Variants in METTL15 observed in about 807,000 individuals in gnomAD.
The protein encoded by METTL15 is 12S rRNA N(4)-cytidine methyltransferase METTL15.
In METTL15, 34 loss-of-function variants were observed where a neutral mutation model predicts 38.3. That is an observed-to-expected ratio of 0.89 (90% CI 0.68 to 1.18). The LOEUF (loss-of-function observed/expected upper bound fraction) is 1.18. Ranked by LOEUF, METTL15 falls within the 50% of genes most tolerant of loss-of-function variation. The pLI, the probability that METTL15 is intolerant of heterozygous loss-of-function variation, is 0.00. For missense variants in METTL15, 438 were observed against 498.4 expected, an observed-to-expected ratio of 0.88 and a Z score of 1.15; for synonymous variants, 162 against 170.9, an observed-to-expected ratio of 0.95 and a Z score of 0.41.
chr11:28,507,197 T>A (rs1772875512), intron 6 of METTL15, among the ~76,000 whole-genome samples: 2 of 152,196 alleles, frequency 1.3e-5, no homozygotes, highest in South Asian at 4.1e-4. Flanking sequence ...CCTAATTGAT[T>A]CAAAGTCCTG....
At chr11:28,186,309 C>T (rs1203772057) in intron 3 of METTL15, among the ~76,000 whole-genome samples, 1 of 151,070 alleles carries the variant, frequency 6.6e-6, no homozygotes, top group Non-Finnish European at 1.5e-5. Context: ...TATAGCCAAC[C>T]TATATAATGG....
intron 3 of METTL15, among the ~76,000 whole-genome samples, chr11:28,130,709 T>A (rs1247908320): frequency 6.6e-6 from 1 of 152,212 alleles, no homozygotes; most frequent in Non-Finnish European, 1.5e-5. Context: ...TTATTCTGTT[T>A]ATAAGTACAA....
At chr11:28,274,677 C>T (rs1453631085) in intron 4 of METTL15, among the ~76,000 whole-genome samples, 1 of 151,992 alleles carries the variant, frequency 6.6e-6, no homozygotes, top group Non-Finnish European at 1.5e-5. Flanking sequence ...AATAGCACTG[C>T]TGACTTCCAT....
chr11:28,289,475 T>C (rs959691543), intron 4 of METTL15, among the ~76,000 whole-genome samples: 4 of 152,130 alleles, frequency 2.6e-5, no homozygotes, highest in Non-Finnish European at 5.9e-5. Context: ...CAATTTTCTC[T>C]TCTCATTCAC....
chr11:28,350,024 G>A (rs1270688021), intron 3 of METTL15, among the ~76,000 whole-genome samples: 1 of 152,206 alleles, frequency 6.6e-6, no homozygotes, highest in African/African-American at 2.4e-5. Context: ...AGTGGAGATA[G>A]CCACCTGTAT....
At chr11:28,161,107 C>CTTTTTTTTTTTTTTTTTTTT (rs10660185) in intron 3 of METTL15, among the ~76,000 whole-genome samples, 16 of 131,904 alleles carry the variant, frequency 1.2e-4, no homozygotes, top group Non-Finnish European at 1.9e-4. Context: ...TTGCACCTTC[C>CTTTTTTTTTTTTTTTTTTTT]TTTTTTTTTT....
At chr11:28,369,958 T>C (rs1421412344) in intron 5 of METTL15, among the ~76,000 whole-genome samples, 1 of 152,156 alleles carries the variant, frequency 6.6e-6, no homozygotes, top group Non-Finnish European at 1.5e-5. Context: ...ACTTAATGGG[T>C]ATACATATGT....
At chr11:28,176,747 C>T (rs530249962) in intron 3 of METTL15, among the ~76,000 whole-genome samples, 1 of 151,962 alleles carries the variant, frequency 6.6e-6, no homozygotes, top group South Asian at 2.1e-4. Flanking sequence ...AGCAGTTGAC[C>T]TTAGCTCTGT....
At chr11:28,187,847 A>T (rs1366738867) in intron 3 of METTL15, among the ~76,000 whole-genome samples, 1 of 151,190 alleles carries the variant, frequency 6.6e-6, no homozygotes, top group Non-Finnish European at 1.5e-5. Flanking sequence ...AAAAGAAAAT[A>T]CATTTTATTT....
intron 3 of METTL15, among the ~76,000 whole-genome samples, chr11:28,116,612 G>GAAC (rs1285546990): frequency 1.3e-5 from 2 of 152,118 alleles, no homozygotes; most frequent in Non-Finnish European, 2.9e-5. Flanking sequence ...TAAGCTATAT[G>GAAC]TATAAGGTGT....
chr11:28,248,137 A>G (rs955983223), intron 4 of METTL15, among the ~76,000 whole-genome samples: 6 of 151,926 alleles, frequency 3.9e-5, no homozygotes, highest in Non-Finnish European at 7.4e-5. Flanking sequence ...GAAATTCAAA[A>G]TCCTTTGTAA....
intron 5 of METTL15, among the ~76,000 whole-genome samples, chr11:28,389,777 T>G (rs1850482605): frequency 6.6e-6 from 1 of 151,676 alleles, no homozygotes; most frequent in Non-Finnish European, 1.5e-5. Flanking sequence ...AAATGGTATT[T>G]CTAGTTCTAG....
At chr11:28,119,180 A>G (rs977836581) in intron 3 of METTL15, among the ~76,000 whole-genome samples, 29 of 152,182 alleles carry the variant, frequency 1.9e-4, no homozygotes, top group African/African-American at 7.0e-4. Flanking sequence ...GCAACTTAAT[A>G]AGTCATAATT....
chr11:28,521,333 G>A (rs1241012328), intron 6 of METTL15, among the ~76,000 whole-genome samples: 4 of 152,182 alleles, frequency 2.6e-5, no homozygotes, highest in African/African-American at 9.7e-5. Context: ...GCCCTCTAGT[G>A]CACTATTTCT....
chr11:28,143,556 A>G (rs941256776), intron 3 of METTL15, among the ~76,000 whole-genome samples: 3 of 152,130 alleles, frequency 2.0e-5, no homozygotes, highest in East Asian at 1.9e-4. Context: ...GCTCTGTACT[A>G]TTTACGTTGA....
At position 28,442,545 on chromosome 11, in the gene METTL15, A is replaced by G. The variant is rs1590376525; in HGVS notation, c.*424+18181A>G. On this transcript the variant is annotated intron_variant and NMD_transcript_variant, in intron 6 of 7. Transcript: ENST00000532947. The stretch of plus-strand genomic sequence containing the variant: ...CCAACTTTTTCAGTAACACAAAGCT[A>G]CATTTTGATATTACCTTCCAATGCT... Among the ~76,000 whole-genome samples the G allele has an allele frequency of 2.6e-5, 4 of 152,332 alleles. No homozygotes were observed. In the South Asian group the frequency reaches 8.3e-4, roughly 32 times the overall value.
chr11:28,441,231 C>T lies in METTL15; in HGVS notation c.*424+16867C>T, dbSNP rs538255363. Reference sequence around the variant, plus strand: ...TCCGGAGTAGCTGGGGCTACAAGCACGTGCCCAGCTAATTTTTGTATTTTT... The same window carrying T: ...TCCGGAGTAGCTGGGGCTACAAGCATGTGCCCAGCTAATTTTTGTATTTTT... On this transcript the variant is annotated intron_variant and NMD_transcript_variant, in intron 6 of 7. Transcript: ENST00000532947. Among the ~76,000 whole-genome samples, 10 of 151,946 alleles carry T rather than the reference C, an allele frequency of 6.6e-5. No homozygotes were observed. The South Asian group carries it at 1.5e-3, about 22-fold the overall frequency.
At chr11:28,388,910 C>A (rs1850470677) in intron 5 of METTL15, among the ~76,000 whole-genome samples, 1 of 151,992 alleles carries the variant, frequency 6.6e-6, no homozygotes, top group African/African-American at 2.4e-5. Context: ...CAATTCCCAC[C>A]TATGAGTGAG....
At chr11:28,182,636 C>A (rs563892563) in intron 3 of METTL15, among the ~76,000 whole-genome samples, 1 of 152,170 alleles carries the variant, frequency 6.6e-6, no homozygotes, top group East Asian at 1.9e-4. Flanking sequence ...GGTAACAGTT[C>A]CATGCTGTTT....
Sources: allele counts gnomAD v4.1 joint callset (sites outside exome capture counted in the v4.1 genomes callset), GRCh38; gene constraint gnomAD v4.1.1; transcripts MANE v1.5; gene names NCBI Gene and HGNC (gene_info 2026-07-23, HGNC 2026-07-21).